FBXO39: variants seen among roughly 807,000 people sequenced by gnomAD.
The protein encoded by FBXO39 is F-box protein 39, also known as F-box only protein 39.
In FBXO39, 22 loss-of-function variants were observed where a neutral mutation model predicts 36.6. That is an observed-to-expected ratio of 0.60 (90% CI 0.43 to 0.86). The LOEUF is 0.86. Ranked by LOEUF, FBXO39 falls within the 40% of genes least tolerant of loss-of-function variation. The pLI, the probability that FBXO39 is intolerant of heterozygous loss-of-function variation, is 0.00. For missense variants in FBXO39, 536 were observed against 543.9 expected (o/e 0.99, Z 0.14); for synonymous variants, 206 against 205.8 (o/e 1.00, Z -0.01).
chr17:6,780,513 G>A lies in FBXO39; in HGVS notation c.645G>A (p.Gln215=). ...SHHLAVYNSP[Q]FKKTMSTFHN... ...ACCTTGCTGTCTACAACAGCCCCCA[G>A]TTCAAAAAGACCATGTCCACATTCC... The change falls in exon 2 of 4, where the codon CAG becomes CAA. Residue 215 remains glutamine, a synonymous_variant. Transcript: ENST00000321535. 1 of 1,614,098 alleles carries A rather than the reference G, an allele frequency of 6.2e-7. No individual in the cohort carries two copies. Among genetic ancestry groups the A allele is most frequent in the South Asian group, 1.1e-5 (1 of 91,080 alleles).
At chr17:6,786,688 G>T (rs919266154) in intron 2 of FBXO39, 92 bp from the exon 3 acceptor site, 13 of 1,097,570 alleles carry the variant, frequency 1.2e-5, no homozygotes, top group South Asian at 3.3e-5. Flanking sequence ...TGGCTATCAG[G>T]CCCAGAGCCA....
chr17:6,780,298 A>G lies in FBXO39; in HGVS notation c.430A>G (p.Ser144Gly). 1 of 1,614,212 alleles carries G rather than the reference A, an allele frequency of 6.2e-7. No individual in the cohort carries two copies. The highest frequency in any genetic ancestry group is 1.1e-5 in the South Asian group (1 of 91,084). The change falls in exon 2 of 4, where the codon AGC (serine) becomes GGC (glycine). Residue 144 changes from serine (S) to glycine (G), a missense_variant. Ser to Gly is a moderately conservative substitution (Grantham distance 56, BLOSUM62 0). Coordinates refer to ENST00000321535, the MANE Select transcript of FBXO39 (RefSeq NM_153230.3). ...GCTGGACCGCCTGGTATGGAGGAAC[A>G]GCATCAGGAGCTCATTCATCAGCAG... ...LELDRLVWRNSIRSSFISSLS... is the reference protein window; with the variant it reads ...LELDRLVWRNGIRSSFISSLS...
chr17:6,785,234 T>C (rs565199259), intron 2 of FBXO39, among the ~76,000 whole-genome samples: 2 of 152,104 alleles, frequency 1.3e-5, no homozygotes, highest in South Asian at 2.1e-4. Context: ...AAACCATACA[T>C]TGGGAAAAGG....
At chr17:6,784,916 T>C (rs1976548667) in intron 2 of FBXO39, among the ~76,000 whole-genome samples, 2 of 120,510 alleles carry the variant, frequency 1.7e-5, no homozygotes, top group Non-Finnish European at 3.3e-5. Context: ...GAATCTTAAA[T>C]TTATATATAT....
At chr17:6,777,165 A>G (rs1044628826) in intron 1 of FBXO39, among the ~76,000 whole-genome samples, 1 of 152,078 alleles carries the variant, frequency 6.6e-6, no homozygotes, top group East Asian at 1.9e-4. Context: ...ATAGGTATAC[A>G]TGTGCCATGG....
At chr17:6,787,120 T>G (rs915088500) in intron 3 of FBXO39, among the ~76,000 whole-genome samples, 164 bp downstream of exon 3, 3 of 152,188 alleles carry the variant, frequency 2.0e-5, no homozygotes, top group Non-Finnish European at 4.4e-5. Flanking sequence ...TTTCTAGTAG[T>G]TGGGTTTGGT....
intron 2 of FBXO39, among the ~76,000 whole-genome samples, chr17:6,781,676 G>T (rs1976510450): frequency 6.6e-6 from 1 of 152,088 alleles, no homozygotes; most frequent in Non-Finnish European, 1.5e-5. Flanking sequence ...GCAGGGCTGG[G>T]ACGAGCACCT....
At chr17:6,783,691 G>T (rs1427600171) in intron 2 of FBXO39, among the ~76,000 whole-genome samples, 6 of 152,042 alleles carry the variant, frequency 3.9e-5, no homozygotes, top group African/African-American at 1.2e-4. Context: ...AAACTACCAA[G>T]ATTGAACCAT....
At chr17:6,785,485 A>G (rs1415269997) in intron 2 of FBXO39, among the ~76,000 whole-genome samples, 2 of 152,156 alleles carry the variant, frequency 1.3e-5, no homozygotes, top group South Asian at 2.1e-4. Flanking sequence ...AAGCAAACAT[A>G]GACAAATGGG....
chr17:6,777,244 T>C (rs1976436597), intron 1 of FBXO39, among the ~76,000 whole-genome samples: 1 of 152,080 alleles, frequency 6.6e-6, no homozygotes, highest in Admixed American at 6.5e-5. Context: ...TTTGTCCTAA[T>C]GCTCTCCCTC....
chr17:6,786,995 G>T (rs775177250), intron 3 of FBXO39, 39 bp downstream of exon 3: 1 of 1,576,914 alleles, frequency 6.3e-7, no homozygotes, highest in East Asian at 2.2e-5. Context: ...CGTAGAGTGG[G>T]GGCATCCAGG....
chr17:6,784,831 C>G (rs887461313), intron 2 of FBXO39, among the ~76,000 whole-genome samples: 2 of 151,844 alleles, frequency 1.3e-5, no homozygotes, highest in African/African-American at 4.8e-5. Flanking sequence ...AATGTTTATA[C>G]TATCGAAAGC....
chr17:6,782,871 A>T (rs1976526143), intron 2 of FBXO39, among the ~76,000 whole-genome samples: 1 of 152,084 alleles, frequency 6.6e-6, no homozygotes, highest in Non-Finnish European at 1.5e-5. Flanking sequence ...TCTTCAAGAC[A>T]CAAAATCAAC....
intron 2 of FBXO39, among the ~76,000 whole-genome samples, chr17:6,781,425 G>A (rs1013436103): frequency 6.6e-6 from 1 of 152,148 alleles, no homozygotes; most frequent in African/African-American, 2.4e-5. Context: ...TAATCTAGTA[G>A]CTTTCTCACC....
intron 2 of FBXO39, 131 bp downstream of exon 2, chr17:6,781,022 C>A (rs955529653): frequency 3.3e-5 from 33 of 1,002,120 alleles, no homozygotes; most frequent in Middle Eastern, 3.2e-4. Flanking sequence ...TAGGAAATAC[C>A]ACCAACTAAG....
intron 2 of FBXO39, 124 bp from the exon 3 acceptor site, chr17:6,786,656 G>A (rs7207814): frequency 0.25 from 187,708 of 762,112 alleles, 26,871 homozygotes; most frequent in East Asian, 0.61. Context: ...AAAAATTAAA[G>A]TTAAAAACCC....
At chr17:6,784,183 T>C (rs1976539315) in intron 2 of FBXO39, among the ~76,000 whole-genome samples, 1 of 152,154 alleles carries the variant, frequency 6.6e-6, no homozygotes, top group African/African-American at 2.4e-5. Context: ...TTTTAATTAA[T>C]GCTGTAAAAG....
intron 1 of FBXO39, among the ~76,000 whole-genome samples, chr17:6,776,772 C>T (rs779005623): frequency 8.5e-5 from 13 of 152,118 alleles, no homozygotes; most frequent in Non-Finnish European, 1.6e-4. Context: ...CTCACTTAAT[C>T]CTCCCAACAC....
At chr17:6,783,604 T>G (rs574000618) in intron 2 of FBXO39, among the ~76,000 whole-genome samples, 1 of 151,892 alleles carries the variant, frequency 6.6e-6, no homozygotes, top group South Asian at 2.1e-4. Context: ...CAAAGGATAA[T>G]TAGAGCCTAT....
Sources: allele counts gnomAD v4.1 joint callset (sites outside exome capture counted in the v4.1 genomes callset), GRCh38; gene constraint gnomAD v4.1.1; transcripts MANE v1.5; gene names NCBI Gene and HGNC (gene_info 2026-07-23, HGNC 2026-07-21).